NAP1L4: variants seen among roughly 807,000 people sequenced by gnomAD.
NAP1L4 encodes the protein nucleosome assembly protein 1 like 4, also known as nucleosome assembly protein 1-like 4.
In NAP1L4, 15 loss-of-function variants were observed where a neutral mutation model predicts 58.2. The ratio of observed to expected loss-of-function variants is 0.26; its 90% CI spans 0.17 to 0.40. The LOEUF (loss-of-function observed/expected upper bound fraction) is 0.40, where lower values mean the gene tolerates loss of function less well. Ranked by LOEUF, NAP1L4 falls within the 10% of genes least tolerant of loss-of-function variation. The pLI is 1.00. For missense variants in NAP1L4, 384 were observed against 451.1 expected, an observed-to-expected ratio of 0.85 and a Z score of 1.35; for synonymous variants, 171 against 155.6, an observed-to-expected ratio of 1.10 and a Z score of -0.74.
chr11:2,974,628 G>T, intron 4 of NAP1L4, among the ~76,000 whole-genome samples: 1 of 152,182 alleles, frequency 6.6e-6, no homozygotes, highest in Non-Finnish European at 1.5e-5. Context: ...AGGCGCAGTG[G>T]CTCATGCCTA....
chr11:2,983,182 C>T (rs1848427547), intron 1 of NAP1L4, among the ~76,000 whole-genome samples: 1 of 152,150 alleles, frequency 6.6e-6, no homozygotes, highest in African/African-American at 2.4e-5. Context: ...GTTCACTATG[C>T]AGCCCCAGAG....
intron 1 of NAP1L4, among the ~76,000 whole-genome samples, chr11:2,984,197 A>C (rs1848493219): frequency 2.0e-5 from 3 of 148,748 alleles, no homozygotes; most frequent in Non-Finnish European, 4.5e-5. Flanking sequence ...AAAGGCAACA[A>C]ACCCTACAAT....
At chr11:2,973,079 A>T (rs1424292980) in intron 4 of NAP1L4, among the ~76,000 whole-genome samples, 6 of 152,246 alleles carry the variant, frequency 3.9e-5, no homozygotes, top group Non-Finnish European at 8.8e-5. Flanking sequence ...ACAGCATTCA[A>T]ATATGGCCTA....
chr11:2,956,860 G>C (rs1039790842), intron 10 of NAP1L4, among the ~76,000 whole-genome samples: 3 of 152,174 alleles, frequency 2.0e-5, no homozygotes, highest in African/African-American at 7.2e-5. Flanking sequence ...CATTTTGTCT[G>C]TTCCTTCACT....
chr11:2,962,608 T>C (rs566092693), intron 8 of NAP1L4, among the ~76,000 whole-genome samples: 4 of 152,184 alleles, frequency 2.6e-5, no homozygotes, highest in Non-Finnish European at 5.9e-5. Context: ...CAGATTTGTA[T>C]AGTGTTCTTT....
intron 1 of NAP1L4, among the ~76,000 whole-genome samples, chr11:2,980,143 G>A (rs995283676): frequency 6.6e-6 from 1 of 152,118 alleles, no homozygotes; most frequent in African/African-American, 2.4e-5. Flanking sequence ...GTGTGTTCTA[G>A]GGCATTTACT....
At chr11:2,961,498 G>T (rs1004349864) in intron 8 of NAP1L4, among the ~76,000 whole-genome samples, 2 of 120,054 alleles carry the variant, frequency 1.7e-5, no homozygotes, top group Admixed American at 1.9e-4. Flanking sequence ...ACCCTCCACG[G>T]CTTAAAAAAA....
chr11:2,965,528 A>G (rs1847219721), intron 7 of NAP1L4, among the ~76,000 whole-genome samples: 1 of 152,182 alleles, frequency 6.6e-6, no homozygotes, highest in Non-Finnish European at 1.5e-5. Flanking sequence ...GACTGTATCC[A>G]AAACTCACAA....
At chr11:2,958,244 C>T (rs774188139) in intron 10 of NAP1L4, 155 bp downstream of exon 10, 8 of 776,902 alleles carry the variant, frequency 1.0e-5, no homozygotes, top group Admixed American at 2.0e-5. Context: ...CTTGCCAGCG[C>T]ACCAACAGAA....
intron 3 of NAP1L4, among the ~76,000 whole-genome samples, chr11:2,977,814 T>C (rs868276448): frequency 6.7e-6 from 1 of 149,134 alleles, no homozygotes; most frequent in Non-Finnish European, 1.5e-5. Context: ...ATGAACAAAA[T>C]GACATTCTTA....
rs775095054 is a variant in NAP1L4 at position 2,979,270 on chromosome 11, T to G, written c.-17-33A>C. On this transcript the variant is annotated intron_variant, in intron 1 of 15. Coordinates refer to ENST00000380542, the MANE Select transcript of NAP1L4 (RefSeq NM_005969.4). ...TTAAAAAGAGTTGTAATAATTATAT[T>G]CATAAGCAAAAATGTTTGTTCAATA... 6 of 1,551,364 alleles carry G rather than the reference T, an allele frequency of 3.9e-6. No homozygotes were observed. In the Admixed American group the frequency reaches 8.8e-5, roughly 23 times the overall value.
chr11:2,986,517 A>G (rs1848635603), intron 1 of NAP1L4, among the ~76,000 whole-genome samples: 1 of 152,134 alleles, frequency 6.6e-6, no homozygotes, highest in Non-Finnish European at 1.5e-5. Flanking sequence ...TCTTTATGGG[A>G]GATAACTGAA....
chr11:2,953,709 A>G (rs1193659814), intron 12 of NAP1L4, among the ~76,000 whole-genome samples: 58 of 152,208 alleles, frequency 3.8e-4, no homozygotes. Flanking sequence ...ACTCAGTACA[A>G]TGGGAGAGGT....
Position 2,949,301 on chromosome 11 carries a change from T to C in NAP1L4, c.1123-37A>G, listed in dbSNP as rs779000353. 4 of 1,512,934 alleles carry C rather than the reference T, an allele frequency of 2.6e-6. No homozygotes were observed. Among genetic ancestry groups the C allele is most frequent in the Non-Finnish European group, 3.7e-6 (4 of 1,088,198 alleles). The allele number at this position is 1,512,934 out of a possible 1,614,324, so 93.7% of individuals were successfully genotyped here. A position where few individuals can be genotyped will look rare whatever the true frequency, so the allele number is the denominator to read the frequency against. On this transcript the variant is annotated intron_variant, in intron 14 of 15. Coordinates refer to ENST00000380542, the MANE Select transcript of NAP1L4 (RefSeq NM_005969.4). This position sits in a 1 kb window ranked among gnomAD's most constrained non-coding sequence, Gnocchi z 4.0. ...AAAAAATTGAAAGGAACTGTCAGCA[T>C]GAAAGAAAATGAAATGCACAAAATT...
chr11:2,964,926 G>A (rs2071112), intron 7 of NAP1L4, among the ~76,000 whole-genome samples, 175 bp from the exon 8 acceptor site: 30,888 of 152,216 alleles, frequency 0.2, 3,394 homozygotes, highest in South Asian at 0.34. Context: ...CCAACTCCCT[G>A]TCATAGAGAA....
chr11:2,984,838 A>G (rs531234784), intron 1 of NAP1L4, among the ~76,000 whole-genome samples: 9 of 151,514 alleles, frequency 5.9e-5, no homozygotes, highest in Non-Finnish European at 1.2e-4. Flanking sequence ...ACTGCCATGC[A>G]TATAGACTAC....
At position 2,969,746 on chromosome 11, in the gene NAP1L4, A is replaced by G. The variant is rs576089301; in HGVS notation, c.534+57T>C. On this transcript the variant is annotated intron_variant, in intron 7 of 15. Coordinates refer to ENST00000380542, the MANE Select transcript of NAP1L4 (RefSeq NM_005969.4). ...GTGTAGTGCTTAAAAAATGCCATAG[A>G]TAAGTAATGTTAGAAGACTAGCACA... 2.4e-4 allele frequency: 368 copies of G among 1,550,380 alleles called. 4 individuals are homozygous for G. The highest frequency in any genetic ancestry group is 1.1e-3 in the South Asian group (89 of 81,606).
intron 1 of NAP1L4, chr11:2,989,124 C>T (rs569152344): frequency 2.6e-5 from 4 of 152,340 alleles, no homozygotes; most frequent in Admixed American, 6.5e-5. Flanking sequence ...CATAAATTTG[C>T]TTACCTCAGG....
intron 12 of NAP1L4, chr11:2,952,531 G>C (rs1846289953): frequency 2.0e-5 from 2 of 99,440 alleles, no homozygotes; most frequent in Non-Finnish European, 4.0e-5. Flanking sequence ...CTCACACCAT[G>C]TATTTGCTTA....
Sources: allele counts gnomAD v4.1 joint callset (sites outside exome capture counted in the v4.1 genomes callset), GRCh38; gene constraint gnomAD v4.1.1; non-coding constraint Gnocchi (gnomAD v3.1); transcripts MANE v1.5; gene names NCBI Gene and HGNC (gene_info 2026-07-23, HGNC 2026-07-21).